The following SMPD3 variants were observed in gnomAD, a reference collection of about 807,000 sequenced individuals.
SMPD3 encodes the protein sphingomyelin phosphodiesterase 3, also known as nSMase-2.
SMPD3 carries 21 observed loss-of-function variants against 55.7 expected under a neutral mutation model. The observed-to-expected ratio is 0.38, with a 90% CI of 0.27 to 0.54. SMPD3 has a LOEUF of 0.54. Ranked by LOEUF, SMPD3 falls within the 20% of genes least tolerant of loss-of-function variation. SMPD3 has a pLI of 0.80. For synonymous variants in SMPD3, 457 were observed against 404.3 expected, an observed-to-expected ratio of 1.13 and a Z score of -1.56; for missense variants, 842 against 899.6, an observed-to-expected ratio of 0.94 and a Z score of 0.82.
chr16:68,416,782 T>C (rs2090343132), intron 1 of SMPD3, among the ~76,000 whole-genome samples: 1 of 152,014 alleles, frequency 6.6e-6, no homozygotes, highest in Non-Finnish European at 1.5e-5. Flanking sequence ...GTCCGGTGGG[T>C]CAGAGCACAG....
At chr16:68,378,119 G>A (rs938773643) in intron 2 of SMPD3, among the ~76,000 whole-genome samples, 12 of 152,182 alleles carry the variant, frequency 7.9e-5, no homozygotes, top group East Asian at 1.9e-4. Context: ...AGTCCCTGCC[G>A]TGTCCACAAG....
At chr16:68,431,402 A>G (rs1052752453) in intron 1 of SMPD3, among the ~76,000 whole-genome samples, 1 of 152,232 alleles carries the variant, frequency 6.6e-6, no homozygotes, top group Non-Finnish European at 1.5e-5. Context: ...AGTCAGAATC[A>G]GTGCCTTCTG....
In SMPD3 at chr16:68,404,676, A is replaced by G. The variant is rs1018364853; in HGVS notation, c.-268-18017T>C. 1.3e-5 allele frequency among the ~76,000 whole-genome samples: 2 copies of G among 152,308 alleles called. No individual in the cohort carries two copies. Among genetic ancestry groups the G allele is most frequent in the Admixed American group, 6.5e-5 (1 of 15,300 alleles). Reference sequence around the variant, plus strand: ...TGTGCCCCCAGCCCACCTGCCATTGAGGTGCTAGCCCCCAGAGGCTGTTAT... The same window carrying G: ...TGTGCCCCCAGCCCACCTGCCATTGGGGTGCTAGCCCCCAGAGGCTGTTAT... On this transcript the variant is annotated intron_variant, in intron 1 of 8. Transcript: ENST00000219334. This position sits in a 1 kb window ranked among gnomAD's most constrained non-coding sequence, Gnocchi z 4.0.
intron 7 of SMPD3, 127 bp downstream of exon 7, chr16:68,363,369 A>C (rs968608015): frequency 1.9e-6 from 2 of 1,025,824 alleles, no homozygotes; most frequent in Non-Finnish European, 3.0e-6. Flanking sequence ...GAGATGAGGG[A>C]CAGGTTTCTG....
intron 1 of SMPD3, among the ~76,000 whole-genome samples, chr16:68,446,009 G>T (rs538308450): frequency 6.6e-6 from 1 of 152,172 alleles, no homozygotes; most frequent in Non-Finnish European, 1.5e-5. Flanking sequence ...TGACTGACCA[G>T]CAACGTCAGC....
chr16:68,415,679 T>C (rs1280313607), intron 1 of SMPD3, among the ~76,000 whole-genome samples: 1 of 152,234 alleles, frequency 6.6e-6, no homozygotes, highest in African/African-American at 2.4e-5. Flanking sequence ...CGGATGCTTA[T>C]TTTAAATGTT....
intron 7 of SMPD3, among the ~76,000 whole-genome samples, chr16:68,363,125 TCAG>T (rs912476028): frequency 2.0e-5 from 3 of 152,198 alleles, no homozygotes; most frequent in African/African-American, 7.2e-5. Flanking sequence ...CAGGCTGCCT[TCAG>T]CAGGCGCCGT....
At chr16:68,409,504 T>A (rs2090281298) in intron 1 of SMPD3, among the ~76,000 whole-genome samples, 1 of 152,200 alleles carries the variant, frequency 6.6e-6, no homozygotes, top group Admixed American at 6.5e-5. Flanking sequence ...TAACAGTACC[T>A]AAATAACACG....
chr16:68,390,326 C>G (rs1357841115), intron 1 of SMPD3, among the ~76,000 whole-genome samples: 1 of 152,172 alleles, frequency 6.6e-6, no homozygotes, highest in Admixed American at 6.5e-5. Flanking sequence ...TCTTTGTGAC[C>G]TGTATCTTGT....
chr16:68,423,988 CA>C (rs2090416541), intron 1 of SMPD3, among the ~76,000 whole-genome samples: 1 of 151,878 alleles, frequency 6.6e-6, no homozygotes, highest in African/African-American at 2.4e-5. Flanking sequence ...GGACATGGCC[CA>C]AGGTGACCAA....
At chr16:68,395,630 G>T (rs1597642707) in intron 1 of SMPD3, among the ~76,000 whole-genome samples, 2 of 152,134 alleles carry the variant, frequency 1.3e-5, no homozygotes, top group South Asian at 4.1e-4. Context: ...CCCACTTAAG[G>T]GGTGACCCTG....
At chr16:68,429,701 T>C (rs2090465078) in intron 1 of SMPD3, among the ~76,000 whole-genome samples, 1 of 152,292 alleles carries the variant, frequency 6.6e-6, no homozygotes, top group Admixed American at 6.5e-5. Flanking sequence ...ATGAGCCCTT[T>C]GGGCTGTGCC....
rs764547347 is a variant in SMPD3, at chr16:68,371,696, G to C, written c.486C>G (p.Ala162=). 3 of 1,579,178 alleles carry C rather than the reference G, an allele frequency of 1.9e-6. No homozygotes were observed. Among genetic ancestry groups the C allele is most frequent in the Non-Finnish European group, 2.6e-6 (3 of 1,162,280 alleles). Residue 162 remains alanine, a synonymous_variant, in exon 3 of 9, where the codon GCC becomes GCG. Coordinates refer to ENST00000219334, the MANE Select transcript of SMPD3 (RefSeq NM_018667.4). The part of the protein sequence containing the change: ...KEIGQRIRNG[A]ARPQIKIYID... The stretch of plus-strand genomic sequence containing the variant: ...TGTAAATTTTGATCTGGGGCCGGGC[G>C]GCCCCATTGCGGATTCTCTGCCCGA...
Position 68,371,668 on chromosome 16 carries a change from C to A in SMPD3, c.514G>T (p.Asp172Tyr). 6.4e-7 allele frequency: 1 copy of A among 1,566,706 alleles called. No individual in the cohort carries two copies. The change falls in exon 3 of 9, where the codon GAC becomes TAC. Residue 172 changes from aspartate (D) to tyrosine (Y), a missense_variant. Around this residue, in one of 2 missense-constraint regions of SMPD3, gnomAD observed 193 missense variants for 256.0 expected, o/e 0.75. Coordinates refer to ENST00000219334, the MANE Select transcript of SMPD3 (RefSeq NM_018667.4). ...CTGATGGAGGTATTGGTGGGGGAGT[C>A]GATGTAAATTTTGATCTGGGGCCGG... ...AARPQIKIYI[D>Y]SPTNTSISAA...
chr16:68,405,736 G>A (rs2090249741), intron 1 of SMPD3, among the ~76,000 whole-genome samples: 1 of 151,878 alleles, frequency 6.6e-6, no homozygotes, highest in Non-Finnish European at 1.5e-5. Context: ...CACAGCTTAG[G>A]CCCTGAAGAA....
intron 2 of SMPD3, among the ~76,000 whole-genome samples, chr16:68,384,644 G>T (rs556157811): frequency 6.6e-6 from 1 of 152,278 alleles, no homozygotes; most frequent in East Asian, 1.9e-4. Context: ...CCTGGGGTTG[G>T]GGGGTAAGGT....
intron 1 of SMPD3, among the ~76,000 whole-genome samples, chr16:68,410,854 G>C (rs1174714002): frequency 6.6e-6 from 1 of 152,238 alleles, no homozygotes; most frequent in African/African-American, 2.4e-5. Flanking sequence ...GCAGCATCGA[G>C]GCACCTTGCA....
At position 68,374,209 on chromosome 16, in the gene SMPD3, G is replaced by A. The variant is rs143429992; in HGVS notation, c.-206-1822C>T. Among the ~76,000 whole-genome samples, 3 of 152,354 alleles carry A rather than the reference G, an allele frequency of 2.0e-5. No individual in the cohort carries two copies. In the East Asian group the frequency reaches 5.8e-4, roughly 29 times the overall value. On this transcript the variant is annotated intron_variant, in intron 2 of 8. Coordinates refer to ENST00000219334, the MANE Select transcript of SMPD3 (RefSeq NM_018667.4). ...CCTGGATGCCTCCAGCCAGAGAGGG[G>A]GCAGCTGTTTTCCCACCAACCCGAG...
intron 2 of SMPD3, among the ~76,000 whole-genome samples, chr16:68,376,250 G>A (rs1263841918): frequency 3.9e-5 from 6 of 152,238 alleles, no homozygotes; most frequent in Non-Finnish European, 8.8e-5. Context: ...GGCAGGACAT[G>A]CTCCCTGGCC....
Sources: gnomAD v4.1 joint callset for allele counts (sites outside exome capture counted in the v4.1 genomes callset) on GRCh38, gnomAD v4.1.1 for gene constraint, gnomAD v4.1.1 regional missense constraint, Gnocchi (gnomAD v3.1) non-coding constraint, MANE v1.5 for transcripts, NCBI Gene and HGNC (gene_info 2026-07-23, HGNC 2026-07-21) for gene names.